The following HSPA4 variants were observed in gnomAD, a reference collection of about 807,000 sequenced individuals.
HSPA4 encodes the protein heat shock 70 kDa protein 4.
HSPA4 carries 25 observed loss-of-function variants against 106.2 expected under a neutral mutation model. That is an observed-to-expected ratio of 0.24 (90% CI 0.17 to 0.33). The LOEUF (loss-of-function observed/expected upper bound fraction) is 0.33. Ranked by LOEUF, HSPA4 falls within the 10% of genes least tolerant of loss-of-function variation. The pLI is 1.00. For synonymous variants in HSPA4, 332 were observed against 333.6 expected (o/e 1.00, Z 0.05); for missense variants, 841 against 996.0 (o/e 0.84, Z 2.10).
At chr5:133,084,407 C>A (rs1033033346) in intron 7 of HSPA4, among the ~76,000 whole-genome samples, 6 of 152,162 alleles carry the variant, frequency 3.9e-5, no homozygotes. Flanking sequence ...TGCTACACAT[C>A]TCACCAGTAT....
intron 7 of HSPA4, among the ~76,000 whole-genome samples, chr5:133,077,500 AGTAT>A (rs1765460284): frequency 6.6e-6 from 1 of 152,230 alleles, no homozygotes; most frequent in South Asian, 2.1e-4. Context: ...AGCCTCCCAA[AGTAT>A]GAGGATTACA....
Position 133,105,061 on chromosome 5 carries a change from A to G in HSPA4, c.*625A>G, listed in dbSNP as rs1299992995. 1 of 152,012 alleles carries G rather than the reference A, an allele frequency of 6.6e-6. No homozygotes were observed. Among genetic ancestry groups the G allele is most frequent in the Non-Finnish European group, 1.5e-5 (1 of 68,140 alleles). 9.4% of individuals were successfully genotyped at this position (152,012 alleles called of 1,614,324 possible). A position where few individuals can be genotyped will look rare whatever the true frequency, so the allele number is the denominator to read the frequency against. On this transcript the variant is annotated 3_prime_UTR_variant, in exon 19 of 19. Transcript: ENST00000304858. ...CTTGGGAAAATAGACCCCCTTGCCT[A>G]GAGTAAGTTGTTAACTGAGGGCTTT...
At chr5:133,088,118 T>C (rs1765600910) in intron 8 of HSPA4, among the ~76,000 whole-genome samples, 1 of 152,154 alleles carries the variant, frequency 6.6e-6, no homozygotes, top group South Asian at 2.1e-4. Flanking sequence ...TGTGTGAGAT[T>C]GTGTGAGAAA....
rs542481292 is a variant in HSPA4 at position 133,105,782 on chromosome 5, A to T, written c.*1346A>T. 1.4e-4 allele frequency: 21 copies of T among 152,314 alleles called. No individual in the cohort carries two copies. The East Asian group carries it at 4.0e-3, about 29-fold the overall frequency. 9.4% of individuals were successfully genotyped at this position (152,314 alleles called of 1,614,324 possible). A position where few individuals can be genotyped will look rare whatever the true frequency, so the allele number is the denominator to read the frequency against. On this transcript the variant is annotated 3_prime_UTR_variant, in exon 19 of 19. Coordinates refer to ENST00000304858, the MANE Select transcript of HSPA4 (RefSeq NM_002154.4). ...TAAGATGCTATCTTGCATAGTTAGA[A>T]TTAAGCGTTTGTCCATCTCTAGATA...
chr5:133,099,924 C>T (rs556944433), intron 16 of HSPA4, among the ~76,000 whole-genome samples: 2 of 152,280 alleles, frequency 1.3e-5, no homozygotes, highest in South Asian at 2.1e-4. Context: ...AAAATGACTG[C>T]AAGACTTAGT....
chr5:133,061,125 C>CTTTTT (rs576430090), intron 1 of HSPA4, among the ~76,000 whole-genome samples: 1 of 135,820 alleles, frequency 7.4e-6, no homozygotes, highest in African/African-American at 2.7e-5. Flanking sequence ...GTTTTCTTTT[C>CTTTTT]TTTTTTTTTT....
intron 1 of HSPA4, among the ~76,000 whole-genome samples, chr5:133,054,795 G>A (rs1410951499): frequency 1.3e-5 from 2 of 152,054 alleles, no homozygotes; most frequent in Non-Finnish European, 2.9e-5. Context: ...TTGTATCCGT[G>A]TTTTCTTGGT....
chr5:133,095,968 C>T lies in HSPA4; in HGVS notation c.1651-130C>T, dbSNP rs546630876. 132 of 649,914 alleles carry T rather than the reference C, an allele frequency of 2.0e-4. 1 individual carries two copies. In the African/African-American group the frequency reaches 2.1e-3, roughly 10 times the overall value. 40.3% of individuals were successfully genotyped at this position (649,914 alleles called of 1,614,324 possible). ...TTATTTTCTAGATGTTATGGTAGTC[C>T]TAAGTTACTTAGATCATCATCAAAA... is the stretch of plus-strand genomic sequence containing the variant. On this transcript the variant is annotated intron_variant, in intron 13 of 18. Transcript: ENST00000304858.
chr5:133,073,977 G>T lies in HSPA4; in HGVS notation c.530-16G>T. ...CTTAGACGTTATTTTTAATTTTTGT[G>T]TTTTTTCTTCTGTAGTTGCTCTTGC... On this transcript the variant is annotated splice_polypyrimidine_tract_variant and intron_variant, in intron 5 of 18. Coordinates refer to ENST00000304858, the MANE Select transcript of HSPA4 (RefSeq NM_002154.4). The T allele has an allele frequency of 1.3e-6, 2 of 1,535,020 alleles. No individual in the cohort carries two copies. The highest frequency in any genetic ancestry group is 1.4e-5 in the African/African-American group (1 of 70,914).
At chr5:133,091,936 C>G (rs369856183) in intron 12 of HSPA4, among the ~76,000 whole-genome samples, 3 of 152,224 alleles carry the variant, frequency 2.0e-5, no homozygotes, top group South Asian at 2.1e-4. Context: ...GTGGTCCCAC[C>G]TGCATGGGAG....
At position 133,067,630 on chromosome 5, in the gene HSPA4, C is replaced by T. The variant is rs1253258624; in HGVS notation, c.306+73C>T. 12 of 1,256,812 alleles carry T rather than the reference C, an allele frequency of 9.5e-6. No homozygotes were observed. In the Admixed American group the frequency reaches 2.6e-4, roughly 28 times the overall value. 77.9% of individuals were successfully genotyped at this position (1,256,812 alleles called of 1,614,324 possible). A position where few individuals can be genotyped will look rare whatever the true frequency, so the allele number is the denominator to read the frequency against. On this transcript the variant is annotated intron_variant, in intron 3 of 18. Transcript: ENST00000304858. The stretch of plus-strand genomic sequence containing the variant: ...TTTATCAGTTCAATATCTATCTGTA[C>T]TTTTCTGATGTCAGATTGCAATGAA...
At chr5:133,075,188 A>G (rs1003149936) in intron 6 of HSPA4, among the ~76,000 whole-genome samples, 2 of 152,208 alleles carry the variant, frequency 1.3e-5, no homozygotes, top group Non-Finnish European at 2.9e-5. Flanking sequence ...TTGGGAAATG[A>G]GAGATTTGTG....
intron 8 of HSPA4, 113 bp from the exon 9 acceptor site, chr5:133,088,291 G>A: frequency 1.4e-6 from 1 of 699,996 alleles, no homozygotes; most frequent in African/African-American, 1.8e-5. Flanking sequence ...GTGTTGCGGA[G>A]GTGGGTGAGG....
rs544027884 is a variant in HSPA4 at position 133,089,475 on chromosome 5, C to T, written c.1245-87C>T. ...AATTGAAAAGAGAGAGAAACTAACACTGTACAATAATTACAAACCTAGAAC... is the reference window on the plus strand; with the variant it reads ...AATTGAAAAGAGAGAGAAACTAACATTGTACAATAATTACAAACCTAGAAC... On this transcript the variant is annotated intron_variant, in intron 10 of 18. Coordinates refer to ENST00000304858, the MANE Select transcript of HSPA4 (RefSeq NM_002154.4). The T allele has an allele frequency of 1.5e-5, 18 of 1,181,390 alleles. No individual in the cohort carries two copies. The South Asian group carries it at 2.6e-4, about 17-fold the overall frequency. 73.2% of individuals were successfully genotyped at this position (1,181,390 alleles called of 1,614,324 possible). A position where few individuals can be genotyped will look rare whatever the true frequency, so the allele number is the denominator to read the frequency against.
intron 1 of HSPA4, among the ~76,000 whole-genome samples, chr5:133,063,575 C>T (rs62375208): frequency 0.23 from 33,657 of 149,310 alleles, 3,847 homozygotes; most frequent in South Asian, 0.26. Context: ...GGATTATAGG[C>T]GCCCGCCACC....
chr5:133,102,185 C>T (rs1404760368), intron 17 of HSPA4, among the ~76,000 whole-genome samples: 1 of 152,194 alleles, frequency 6.6e-6, no homozygotes, highest in Non-Finnish European at 1.5e-5. Context: ...CCTTGGCCTC[C>T]CAAAGTGCTG....
At chr5:133,075,595 G>T (rs1178612504) in intron 6 of HSPA4, among the ~76,000 whole-genome samples, 1 of 152,114 alleles carries the variant, frequency 6.6e-6, no homozygotes, top group Non-Finnish European at 1.5e-5. Context: ...TCTGGAGGCT[G>T]AGGTGGGGGG....
At chr5:133,074,292 T>A (rs572591011) in intron 6 of HSPA4, among the ~76,000 whole-genome samples, 166 bp downstream of exon 6, 1 of 151,900 alleles carries the variant, frequency 6.6e-6, no homozygotes, top group African/African-American at 2.4e-5. Context: ...TCTTTTTTTT[T>A]TTTGAGATAG....
intron 1 of HSPA4, among the ~76,000 whole-genome samples, chr5:133,056,701 A>G (rs6596097): frequency 0.36 from 55,498 of 152,102 alleles, 12,194 homozygotes; most frequent in African/African-American, 0.62. Context: ...TTTTATTTTT[A>G]TTGTATAGAT....
Sources: allele counts gnomAD v4.1 joint callset (sites outside exome capture counted in the v4.1 genomes callset), GRCh38; gene constraint gnomAD v4.1.1; transcripts MANE v1.5; gene names NCBI Gene and HGNC (gene_info 2026-07-23, HGNC 2026-07-21).